Variants in TDRD12 observed in about 807,000 individuals in gnomAD.
TDRD12 encodes the protein putative ATP-dependent RNA helicase TDRD12.
A neutral mutation model predicts 133.5 loss-of-function variants in TDRD12; 158 were observed. The observed-to-expected ratio is 1.18, with a 90% CI of 1.04 to 1.35. TDRD12 has a LOEUF of 1.35. TDRD12 is among the 40% of genes most tolerant of loss of function. The pLI is 0.00. For missense variants in TDRD12, 1,443 were observed against 1,321.3 expected (o/e 1.09, Z -1.43); for synonymous variants, 460 against 477.9 (o/e 0.96, Z 0.49).
chr19:32,777,565 C>G (rs1970617903), intron 11 of TDRD12, among the ~76,000 whole-genome samples: 1 of 151,850 alleles, frequency 6.6e-6, no homozygotes. Flanking sequence ...TGCTTTCTTT[C>G]CAGTTCTCTG....
intron 21 of TDRD12, among the ~76,000 whole-genome samples, chr19:32,806,611 G>A (rs987500260): frequency 6.6e-6 from 1 of 151,844 alleles, no homozygotes; most frequent in Non-Finnish European, 1.5e-5. Flanking sequence ...CACAGTGCTG[G>A]GATTACAGGC....
At chr19:32,765,251 G>A (rs1970261774) in intron 8 of TDRD12, among the ~76,000 whole-genome samples, 1 of 152,196 alleles carries the variant, frequency 6.6e-6, no homozygotes, top group Non-Finnish European at 1.5e-5. Context: ...AGGTGCTGGA[G>A]AGGATGTGGA....
Position 32,815,429 on chromosome 19 carries a change from A to AT in TDRD12, c.3142-13dup, listed in dbSNP as rs1178940170. 4 of 1,525,824 alleles carry AT rather than the reference A, an allele frequency of 2.6e-6. No homozygotes were observed. In the African/African-American group the frequency reaches 4.1e-5, roughly 16 times the overall value. The allele number at this position is 1,525,824 out of a possible 1,614,324, so 94.5% of individuals were successfully genotyped here. ...TCAGAGTGATTACTGCTAATGTTCA[A>AT]TTTTTTCATTGATTCAAGGTGCACA... On this transcript the variant is annotated intron_variant, in intron 25 of 27. Coordinates refer to ENST00000444215, the Ensembl canonical transcript of TDRD12.
chr19:32,765,624 A>G (rs1357024938), intron 8 of TDRD12, among the ~76,000 whole-genome samples: 1 of 152,082 alleles, frequency 6.6e-6, no homozygotes, highest in South Asian at 2.1e-4. Context: ...CATTCTCAGC[A>G]AACTATCGCA....
chr19:32,824,728 T>C (rs1967527728), downstream of TDRD12, among the ~76,000 whole-genome samples: 1 of 152,174 alleles, frequency 6.6e-6, no homozygotes, highest in Non-Finnish European at 1.5e-5. Context: ...TGATTGTCTT[T>C]GTCCTGCCCC....
rs61178379 is a variant in TDRD12, at chr19:32,753,670, ATTTT to A, written c.583-2305_583-2302del. 5.4e-3 allele frequency among the ~76,000 whole-genome samples: 706 copies of A among 130,438 alleles called. 6 individuals are homozygous for A. Among genetic ancestry groups the A allele is most frequent in the Middle Eastern group, 0.012 (3 of 254 alleles). The allele number at this position is 130,438 out of a possible 152,430, so 85.6% of individuals were successfully genotyped here. A position where few individuals can be genotyped will look rare whatever the true frequency, so the allele number is the denominator to read the frequency against. ...AGGTGCCCGCCATCACACCTGGCTA[ATTTT>A]TTTTTTTTTTTTTTTTGTATTTTTA... On this transcript the variant is annotated intron_variant, in intron 6 of 27. Coordinates refer to ENST00000444215, the Ensembl canonical transcript of TDRD12.
At chr19:32,748,431 C>A in intron 4 of TDRD12, 45 bp from the exon 5 acceptor site, 1 of 1,534,598 alleles carries the variant, frequency 6.5e-7, no homozygotes, top group Non-Finnish European at 8.8e-7. Context: ...GGTGTGCTAG[C>A]CTCAGATTTT....
At chr19:32,721,682 T>TG (rs1968674456) in intron 1 of TDRD12, among the ~76,000 whole-genome samples, 1 of 91,634 alleles carries the variant, frequency 1.1e-5, no homozygotes, top group African/African-American at 4.9e-5. Flanking sequence ...GCCTGGCCTA[T>TG]TTTATTTTAT....
intron 1 of TDRD12, among the ~76,000 whole-genome samples, chr19:32,728,251 G>A (rs1048023213): frequency 6.6e-6 from 1 of 151,982 alleles, no homozygotes; most frequent in African/African-American, 2.4e-5. Context: ...GGGTCCCTTG[G>A]GATTTCATGT....
chr19:32,785,260 T>G (rs1235775388), intron 11 of TDRD12, among the ~76,000 whole-genome samples: 2 of 152,228 alleles, frequency 1.3e-5, no homozygotes, highest in African/African-American at 4.8e-5. Flanking sequence ...TTCCATGTAG[T>G]TGTGCGGTTT....
intron 8 of TDRD12, among the ~76,000 whole-genome samples, chr19:32,765,773 A>C (rs1359562771): frequency 6.6e-6 from 1 of 151,986 alleles, no homozygotes; most frequent in Non-Finnish European, 1.5e-5. Context: ...TAACATTAGG[A>C]GATATACCTA....
intron 6 of TDRD12, among the ~76,000 whole-genome samples, chr19:32,754,038 G>A (rs1160163052): frequency 6.6e-6 from 1 of 152,098 alleles, no homozygotes; most frequent in Non-Finnish European, 1.5e-5. Context: ...ACCTTCTTCA[G>A]TGTGATTATG....
At chr19:32,791,044 G>A (rs768323173) in exon 13 of TDRD12, 5 of 1,536,012 alleles carry the variant, frequency 3.3e-6, no homozygotes, top group Admixed American at 2.0e-5. Flanking sequence ...TTGACTCGTC[G>A]CCGCTGTCAG....
rs1599594772 is a variant in TDRD12 at position 32,794,192 on chromosome 19, G to A, written c.1288-436G>A. ...ACAGTCTTGGCTTACCGCATCCTCTGCCTCCTGTGTTCAAGTGATTCTCCT... is the reference window on the plus strand; with the variant it reads ...ACAGTCTTGGCTTACCGCATCCTCTACCTCCTGTGTTCAAGTGATTCTCCT... On this transcript the variant is annotated intron_variant, in intron 13 of 27. Coordinates refer to ENST00000444215, the Ensembl canonical transcript of TDRD12. 1.4e-4 allele frequency among the ~76,000 whole-genome samples: 19 copies of A among 134,834 alleles called. No individual in the cohort carries two copies. In the South Asian group the frequency reaches 4.5e-3, roughly 32 times the overall value. 88.5% of individuals were successfully genotyped at this position (134,834 alleles called of 152,430 possible). A position where few individuals can be genotyped will look rare whatever the true frequency, so the allele number is the denominator to read the frequency against.
At chr19:32,796,211 TAAG>T in intron 14 of TDRD12, 1 of 982,964 alleles carries the variant, frequency 1.0e-6, no homozygotes, top group Non-Finnish European at 1.2e-6. Flanking sequence ...AAAACAGCAG[TAAG>T]AAGACATAGG....
At chr19:32,818,031 A>G in intron 26 of TDRD12, 58 bp from the exon 27 acceptor site, 1 of 702,066 alleles carries the variant, frequency 1.4e-6, no homozygotes, top group South Asian at 1.5e-5. Context: ...CTGTCCCCAG[A>G]CAGGCTCCAC....
rs113083604 is a variant in TDRD12, at chr19:32,742,993, G to A, written c.440+93G>A. 1.5e-3 allele frequency: 2,252 copies of A among 1,454,622 alleles called. 39 individuals carry two copies. In the African/African-American group the frequency reaches 0.028, roughly 18 times the overall value. The allele number at this position is 1,454,622 out of a possible 1,614,324, so 90.1% of individuals were successfully genotyped here. A position where few individuals can be genotyped will look rare whatever the true frequency, so the allele number is the denominator to read the frequency against. On this transcript the variant is annotated intron_variant, in intron 4 of 27. Coordinates refer to ENST00000444215, the Ensembl canonical transcript of TDRD12. Reference sequence around the variant, plus strand: ...ATGAAGTCAGTTCCTCTGTAGAAGTGCTGAGCAGGAGGTCTCTGTTCTTCA... The same window carrying A: ...ATGAAGTCAGTTCCTCTGTAGAAGTACTGAGCAGGAGGTCTCTGTTCTTCA...
chr19:32,744,730 TG>T (rs1969550193), intron 4 of TDRD12, among the ~76,000 whole-genome samples: 1 of 152,080 alleles, frequency 6.6e-6, no homozygotes, highest in South Asian at 2.1e-4. Context: ...CCGAGTGGCC[TG>T]ACTTCTGCCT....
chr19:32,722,684 T>TAA (rs1968723884), intron 1 of TDRD12, among the ~76,000 whole-genome samples: 1 of 150,388 alleles, frequency 6.6e-6, no homozygotes, highest in Non-Finnish European at 1.5e-5. Context: ...AAAAAATTTT[T>TAA]TTTTTTTTTT....
Sources: gnomAD v4.1 joint callset for allele counts (sites outside exome capture counted in the v4.1 genomes callset) on GRCh38, gnomAD v4.1.1 for gene constraint, MANE v1.5 for transcripts, NCBI Gene and HGNC (gene_info 2026-07-23, HGNC 2026-07-21) for gene names.